The following HDAC9 variants were observed in gnomAD, a reference collection of about 807,000 sequenced individuals.
The protein encoded by HDAC9 is histone deacetylase 9.
A neutral mutation model predicts 139.4 loss-of-function variants in HDAC9; 41 were observed. That is an observed-to-expected ratio of 0.29 (90% CI 0.23 to 0.38). HDAC9 has a LOEUF of 0.38. Ranked by LOEUF, HDAC9 falls within the 10% of genes least tolerant of loss-of-function variation. The pLI, the probability that HDAC9 is intolerant of heterozygous loss-of-function variation, is 1.00. For synonymous variants in HDAC9, 517 were observed against 476.2 expected, an observed-to-expected ratio of 1.09 and a Z score of -1.12; for missense variants, 1,147 against 1,297.0, an observed-to-expected ratio of 0.88 and a Z score of 1.78.
At chr7:18,786,889 G>T (rs2129175097) in intron 16 of HDAC9, among the ~76,000 whole-genome samples, 1 of 144,574 alleles carries the variant, frequency 6.9e-6, no homozygotes, top group East Asian at 2.0e-4. Context: ...GAGTACTGCT[G>T]GCCCCTGCTG....
At chr7:18,252,716 CT>C (rs5882651) in intron 2 of HDAC9, among the ~76,000 whole-genome samples, 40 of 150,244 alleles carry the variant, frequency 2.7e-4, no homozygotes, top group South Asian at 4.2e-4. Context: ...AAATCACATA[CT>C]TTTTTTTTTA....
At chr7:18,140,198 C>G (rs554347953) in intron 1 of HDAC9, among the ~76,000 whole-genome samples, 1 of 152,242 alleles carries the variant, frequency 6.6e-6, no homozygotes, top group South Asian at 2.1e-4. Flanking sequence ...TCCCGGGACC[C>G]TTCTACCTGG....
chr7:18,340,124 C>A (rs1456678812), intron 1 of HDAC9, among the ~76,000 whole-genome samples: 1 of 151,286 alleles, frequency 6.6e-6, no homozygotes, highest in Non-Finnish European at 1.5e-5. Flanking sequence ...ATAAATTGGC[C>A]CCTTTACCAT....
intron 2 of HDAC9, chr7:18,506,045 G>C (rs1179759981): frequency 2.6e-5 from 4 of 152,158 alleles, no homozygotes; most frequent in Non-Finnish European, 5.9e-5. Flanking sequence ...ATTATTTATA[G>C]AAAGAGCATT....
intron 2 of HDAC9, among the ~76,000 whole-genome samples, chr7:18,518,761 C>T (rs1479731041): frequency 2.0e-5 from 3 of 152,214 alleles, no homozygotes; most frequent in Admixed American, 6.5e-5. Flanking sequence ...CTGGCTGGCT[C>T]CTCCATGTCA....
intron 13 of HDAC9, among the ~76,000 whole-genome samples, chr7:18,745,531 CTTTTTTTTTTTTT>C (rs565092002): frequency 1.1e-5 from 1 of 90,486 alleles, no homozygotes; most frequent in African/African-American, 4.6e-5. Context: ...ACTCTCTACT[CTTTTTTTTTTTTT>C]TTTTTTTTTT....
At chr7:18,724,660 T>C (rs1291481695) in intron 12 of HDAC9, among the ~76,000 whole-genome samples, 1 of 152,112 alleles carries the variant, frequency 6.6e-6, no homozygotes, top group Non-Finnish European at 1.5e-5. Flanking sequence ...CGTCAGTAGG[T>C]GAAAGGGATT....
At chr7:18,761,059 A>G (rs1435259309) in intron 14 of HDAC9, among the ~76,000 whole-genome samples, 2 of 152,198 alleles carry the variant, frequency 1.3e-5, no homozygotes, top group Non-Finnish European at 2.9e-5. Context: ...TCTGTACTTC[A>G]ATATTAACTT....
chr7:18,185,364 G>T (rs537749676), intron 2 of HDAC9, among the ~76,000 whole-genome samples: 33 of 152,114 alleles, frequency 2.2e-4, no homozygotes, highest in Non-Finnish European at 3.7e-4. Context: ...AACCTCCAAG[G>T]TAATTATAAT....
intron 1 of HDAC9, among the ~76,000 whole-genome samples, chr7:18,354,518 G>A (rs1783100855): frequency 6.6e-6 from 1 of 152,172 alleles, no homozygotes; most frequent in South Asian, 2.1e-4. Context: ...AGGTGAGTCA[G>A]CAGGCCTTGT....
Position 18,138,528 on chromosome 7 carries a change from GTGTGTGTGTGTGTGT to G in HDAC9, c.-96-23700_-96-23686del, listed in dbSNP as rs1357403341. Among the ~76,000 whole-genome samples, 4 of 11,316 alleles carry G rather than the reference GTGTGTGTGTGTGTGT, an allele frequency of 3.5e-4. No homozygotes were observed. The African/African-American group carries it at 3.5e-3, about 10-fold the overall frequency. The allele number at this position is 11,316 out of a possible 152,430, so 7.4% of individuals were successfully genotyped here. ...AAGCTGTAGTGAGAGAGAGAGAGAG[GTGTGTGTGTGTGTGT>G]GTGTGTGTGTGTGTGTGTGTGCACA... On this transcript the variant is annotated intron_variant, in intron 1 of 12. Coordinates refer to the HDAC9 transcript ENST00000417496.
chr7:18,445,311 G>C (rs1792184707), intron 1 of HDAC9, among the ~76,000 whole-genome samples: 2 of 152,010 alleles, frequency 1.3e-5, no homozygotes, highest in Non-Finnish European at 2.9e-5. Flanking sequence ...TAACTTTTTT[G>C]ATGACTATAG....
chr7:18,777,693 C>A (rs1040149816), intron 16 of HDAC9, among the ~76,000 whole-genome samples: 10 of 151,916 alleles, frequency 6.6e-5, no homozygotes. Context: ...ATGCTTTAAC[C>A]ATTTTAGCAA....
chr7:18,900,241 C>A (rs1458252959), intron 22 of HDAC9, among the ~76,000 whole-genome samples: 1 of 152,150 alleles, frequency 6.6e-6, no homozygotes, highest in African/African-American at 2.4e-5. Flanking sequence ...TGCATACTAT[C>A]ATTATTTAGA....
intron 21 of HDAC9, among the ~76,000 whole-genome samples, chr7:18,867,604 C>A (rs992440095): frequency 6.6e-6 from 1 of 152,100 alleles, no homozygotes; most frequent in East Asian, 1.9e-4. Context: ...TTTGAGGACA[C>A]GTTTTTTCTT....
chr7:18,846,161 T>G (rs1796889143), intron 21 of HDAC9, among the ~76,000 whole-genome samples: 2 of 152,222 alleles, frequency 1.3e-5, no homozygotes, highest in Admixed American at 1.3e-4. Context: ...TTCAATGATT[T>G]TAATTCTCAA....
At chr7:18,642,371 G>C (rs1034521008) in intron 8 of HDAC9, among the ~76,000 whole-genome samples, 12 of 152,028 alleles carry the variant, frequency 7.9e-5, no homozygotes, top group African/African-American at 2.7e-4. Context: ...CTACTTTTCT[G>C]TGGTTCCCCT....
intron 2 of HDAC9, among the ~76,000 whole-genome samples, chr7:18,163,415 C>G (rs1022134657): frequency 2.0e-5 from 3 of 152,178 alleles, no homozygotes; most frequent in Admixed American, 2.0e-4. Context: ...CCTAGTGGTT[C>G]TCAAACTTTA....
intron 12 of HDAC9, among the ~76,000 whole-genome samples, chr7:18,682,280 T>C (rs1457097850): frequency 4.6e-5 from 7 of 152,066 alleles, no homozygotes; most frequent in African/African-American, 1.2e-4. Context: ...TCTAATGCTT[T>C]CTGTCATCAT....
Sources: allele counts gnomAD v4.1 joint callset (sites outside exome capture counted in the v4.1 genomes callset), GRCh38; gene constraint gnomAD v4.1.1; transcripts MANE v1.5; gene names NCBI Gene and HGNC (gene_info 2026-07-23, HGNC 2026-07-21).